Variants in PRKCH observed in about 807,000 individuals in gnomAD.
The protein encoded by PRKCH is protein kinase C eta type.
In PRKCH, 28 loss-of-function variants were observed where a neutral mutation model predicts 82.5. The observed-to-expected ratio is 0.34, with a 90% CI of 0.25 to 0.47. The LOEUF (loss-of-function observed/expected upper bound fraction) is 0.47, where lower values mean the gene tolerates loss of function less well. PRKCH is among the 20% of genes least tolerant of loss of function. PRKCH has a pLI of 1.00. For missense variants in PRKCH, 705 were observed against 881.8 expected, an observed-to-expected ratio of 0.80 and a Z score of 2.54; for synonymous variants, 322 against 327.4, an observed-to-expected ratio of 0.98 and a Z score of 0.18.
intron 1 of PRKCH, among the ~76,000 whole-genome samples, chr14:61,227,997 C>G (rs1451428120): frequency 2.6e-5 from 4 of 152,222 alleles, no homozygotes; most frequent in Non-Finnish European, 5.9e-5. Context: ...AGGTTTCCAT[C>G]AGTAATAAAC....
chr14:61,510,717 A>G (rs551483769), intron 10 of PRKCH, among the ~76,000 whole-genome samples: 1 of 151,616 alleles, frequency 6.6e-6, no homozygotes, highest in African/African-American at 2.4e-5. Context: ...ACGGGACTCA[A>G]CTGCAAGGTA....
intron 3 of PRKCH, among the ~76,000 whole-genome samples, 180 bp from the exon 4 acceptor site, chr14:61,445,512 A>T (rs944189153): frequency 6.6e-6 from 1 of 152,196 alleles, no homozygotes; most frequent in South Asian, 2.1e-4. Flanking sequence ...AATCCAGCAC[A>T]TGGTTTTTTC....
intron 10 of PRKCH, among the ~76,000 whole-genome samples, chr14:61,518,928 C>A (rs889301515): frequency 2.6e-5 from 4 of 152,084 alleles, no homozygotes; most frequent in Non-Finnish European, 5.9e-5. Context: ...TCCTCTCACC[C>A]CAGCCTCCCA....
intron 2 of PRKCH, among the ~76,000 whole-genome samples, chr14:61,434,588 CTG>C (rs1458190545): frequency 1.3e-4 from 20 of 152,198 alleles, no homozygotes; most frequent in Non-Finnish European, 2.4e-4. Context: ...TAGAAGGAAA[CTG>C]TAGGATTCTT....
At chr14:61,306,090 C>T (rs565760221) in intron 1 of PRKCH, 1 of 152,218 alleles carries the variant, frequency 6.6e-6, no homozygotes, top group Non-Finnish European at 1.5e-5. Context: ...AGTCCTGAGA[C>T]ATGGCCCTTT....
chr14:61,499,450 G>A (rs1382195331), intron 10 of PRKCH, among the ~76,000 whole-genome samples: 1 of 152,128 alleles, frequency 6.6e-6, no homozygotes, highest in African/African-American at 2.4e-5. Flanking sequence ...TGGTTTGCTA[G>A]GTGTGTGGCT....
At chr14:61,486,419 GAC>G (rs1287981758) in intron 10 of PRKCH, among the ~76,000 whole-genome samples, 2 of 152,104 alleles carry the variant, frequency 1.3e-5, no homozygotes, top group African/African-American at 4.8e-5. Context: ...TCCATTTTGT[GAC>G]ACACAATCTT....
chr14:61,508,106 T>C (rs1036076154), intron 10 of PRKCH, among the ~76,000 whole-genome samples: 6 of 152,118 alleles, frequency 3.9e-5, no homozygotes, highest in Non-Finnish European at 8.8e-5. Flanking sequence ...AATAAAGCAG[T>C]TATTTTTAAA....
intron 1 of PRKCH, among the ~76,000 whole-genome samples, chr14:61,377,641 G>C (rs2046443200): frequency 2.6e-5 from 4 of 152,162 alleles, no homozygotes; most frequent in Admixed American, 2.6e-4. Flanking sequence ...CTGTGTTTCA[G>C]TAAAACTTTA....
chr14:61,219,801 A>G (rs1428033027), intron 1 of PRKCH, among the ~76,000 whole-genome samples: 1 of 152,164 alleles, frequency 6.6e-6, no homozygotes, highest in Admixed American at 6.5e-5. Flanking sequence ...ATCTTATTTC[A>G]TTGTTATTGT....
At chr14:61,509,253 C>G (rs114382789) in intron 10 of PRKCH, among the ~76,000 whole-genome samples, 1 of 152,092 alleles carries the variant, frequency 6.6e-6, no homozygotes, top group Non-Finnish European at 1.5e-5. Context: ...GGAGAATGCC[C>G]TTCACCCTAT....
chr14:61,532,822 G>A (rs1434794704), intron 12 of PRKCH, among the ~76,000 whole-genome samples: 1 of 152,332 alleles, frequency 6.6e-6, no homozygotes, highest in East Asian at 1.9e-4. Context: ...AGACTGAGTT[G>A]TTCTCTCTCC....
At chr14:61,443,057 G>A (rs1884051218) in intron 2 of PRKCH, 54 bp from the exon 3 acceptor site, 2 of 1,520,978 alleles carry the variant, frequency 1.3e-6, no homozygotes, top group East Asian at 4.6e-5. Flanking sequence ...TCATCTATTA[G>A]GTGCGTTAGG....
intron 1 of PRKCH, among the ~76,000 whole-genome samples, chr14:61,269,068 T>C (rs1353705879): frequency 6.6e-6 from 1 of 152,244 alleles, no homozygotes; most frequent in African/African-American, 2.4e-5. Flanking sequence ...CTTTTCCATT[T>C]TTTGTGCCTA....
At chr14:61,458,371 G>T (rs998449774) in intron 9 of PRKCH, among the ~76,000 whole-genome samples, 1 of 152,254 alleles carries the variant, frequency 6.6e-6, no homozygotes, top group African/African-American at 2.4e-5. Flanking sequence ...GGTGGTAACA[G>T]TGCTACGGTT....
intron 10 of PRKCH, among the ~76,000 whole-genome samples, chr14:61,527,482 T>G (rs1019144376): frequency 6.6e-6 from 1 of 152,222 alleles, no homozygotes; most frequent in Admixed American, 6.5e-5. Context: ...CCCTGCTTCC[T>G]TTCCCCTGAC....
intron 10 of PRKCH, among the ~76,000 whole-genome samples, chr14:61,486,672 C>A (rs1325394078): frequency 8.7e-6 from 1 of 114,900 alleles, no homozygotes; most frequent in South Asian, 3.2e-4. Context: ...TATTTCTTTT[C>A]TTTCTTTCTT....
At chr14:61,422,087 G>GT (rs967833754) in intron 2 of PRKCH, among the ~76,000 whole-genome samples, 6 of 152,072 alleles carry the variant, frequency 3.9e-5, no homozygotes, top group Non-Finnish European at 8.8e-5. Context: ...CAATGTTTTT[G>GT]TTTTTTGTTT....
intron 1 of PRKCH, among the ~76,000 whole-genome samples, chr14:61,375,947 G>T (rs981607021): frequency 2.0e-5 from 3 of 150,978 alleles, no homozygotes; most frequent in Admixed American, 2.0e-4. Context: ...AACCCGGGAG[G>T]TAGAGGTTGC....
Sources: allele counts gnomAD v4.1 joint callset (sites outside exome capture counted in the v4.1 genomes callset), GRCh38; gene constraint gnomAD v4.1.1; transcripts MANE v1.5; gene names NCBI Gene and HGNC (gene_info 2026-07-23, HGNC 2026-07-21).